The following VWCE variants were observed in gnomAD, a reference collection of about 807,000 sequenced individuals.
VWCE encodes von Willebrand factor C and EGF domains.
Under a neutral mutation model 102.9 loss-of-function variants are expected in VWCE, and 68 were observed. The ratio of observed to expected loss-of-function variants is 0.66; its 90% confidence interval spans 0.54 to 0.81. The LOEUF (loss-of-function observed/expected upper bound fraction) is 0.81. Ranked by LOEUF, VWCE falls within the 30% of genes least tolerant of loss-of-function variation. The pLI, the probability that VWCE is intolerant of heterozygous loss-of-function variation, is 0.00. For synonymous variants in VWCE, 497 were observed against 515.4 expected (o/e 0.96, Z 0.48); for missense variants, 1,137 against 1,263.6 (o/e 0.90, Z 1.52).
chr11:61,281,291 T>C (rs1855125438), intron 7 of VWCE, 56 bp from the exon 8 acceptor site: 1 of 1,599,328 alleles, frequency 6.3e-7, no homozygotes, highest in East Asian at 2.2e-5. Context: ...GGAGGCAGGG[T>C]TTAGGGAGAC....
At position 61,290,649 on chromosome 11, in the gene VWCE, C is replaced by G. The variant is rs115412682; in HGVS notation, c.424+150G>C. 1,974 of 853,526 alleles carry G rather than the reference C, an allele frequency of 2.3e-3. 34 individuals are homozygous for G. In the African/African-American group the frequency reaches 0.029, roughly 13 times the overall value. The allele number at this position is 853,526 out of a possible 1,614,324, so 52.9% of individuals were successfully genotyped here. On this transcript the variant is annotated intron_variant, in intron 4 of 19. Transcript: ENST00000335613. ...ACAGAAGTGACACATTTCTTTTGTT[C>G]TCATGTCTCTCTGCCCACTCTCAAA...
At chr11:61,280,761 C>T (rs1307866426) in intron 8 of VWCE, 32 bp downstream of exon 8, 1 of 1,612,808 alleles carries the variant, frequency 6.2e-7, no homozygotes, top group South Asian at 1.1e-5. Flanking sequence ...AGGCCCCAGA[C>T]CAAGGAAGCT....
rs370741663 is a variant in VWCE, at chr11:61,276,607, C to T, written c.1481G>A (p.Cys494Tyr). 1.3e-6 allele frequency: 2 copies of T among 1,590,390 alleles called. No individual in the cohort carries two copies. The highest frequency in any genetic ancestry group is 1.1e-5 in the South Asian group (1 of 87,994). ...GTGTCACTTACCTGGAACACAAGTACAGCAATCCGTCTGTGGGGGGGTCTG... is the reference window on the plus strand; with the variant it reads ...GTGTCACTTACCTGGAACACAAGTATAGCAATCCGTCTGTGGGGGGGTCTG... ...PCQTPPQTDCCTCVPVRCYFH... is the reference protein window; with the variant it reads ...PCQTPPQTDCYTCVPVRCYFH... The change falls in exon 11 of 20, where the codon TGT becomes TAT. Residue 494 changes from cysteine to tyrosine, a missense_variant. Cys to Tyr is a radical substitution (Grantham distance 194). This residue lies in a region of VWCE where 212 missense variants were observed against 235.1 expected (regional missense o/e 0.90). Transcript: ENST00000335613.
At position 61,258,710 on chromosome 11, in the gene VWCE, CTG is replaced by C; in HGVS notation, c.2831_2832del (p.Pro944ArgfsTer76). On this transcript the variant is annotated frameshift_variant, in exon 20 of 20. Coordinates refer to ENST00000335613, the MANE Select transcript of VWCE (RefSeq NM_152718.2). LOFTEE classifies it low-confidence loss of function (END_TRUNC). Reference sequence around the variant, plus strand: ...GACTCTTCCCCCCGAGAAGCCCCCACTGGGGGCTGCTGGGGGCCAGGGTGGGT... The same window carrying C: ...GACTCTTCCCCCCGAGAAGCCCCCACGGGGCTGCTGGGGGCCAGGGTGGGT... ...ATTHPGPQQP[P>X]VGASRGEEST... The C allele has an allele frequency of 1.4e-6, 2 of 1,392,250 alleles. No homozygotes were observed. The highest frequency in any genetic ancestry group is 3.9e-4 in the Middle Eastern group (2 of 5,192). 86.2% of individuals were successfully genotyped at this position (1,392,250 alleles called of 1,614,324 possible). A position where few individuals can be genotyped will look rare whatever the true frequency, so the allele number is the denominator to read the frequency against.
Position 61,269,806 on chromosome 11 carries a change from C to T in VWCE, c.1786-788G>A, listed in dbSNP as rs115356831. On this transcript the variant is annotated intron_variant, in intron 14 of 19. Coordinates refer to ENST00000335613, the MANE Select transcript of VWCE (RefSeq NM_152718.2). ...CTGACAGTTTGAACCTTTTGTATCA[C>T]TCTCTTGGTGACTGATTATGGGTGC... 3.3e-3 allele frequency among the ~76,000 whole-genome samples: 501 copies of T among 152,088 alleles called. 5 individuals carry two copies. The highest frequency in any genetic ancestry group is 0.012 in the African/African-American group (486 of 41,494).
chr11:61,273,463 A>C, intron 12 of VWCE, 147 bp from the exon 13 acceptor site: 1 of 762,680 alleles, frequency 1.3e-6, no homozygotes, highest in Non-Finnish European at 2.1e-6. Context: ...TGAAACTGAC[A>C]AAGAAATCTC....
intron 5 of VWCE, among the ~76,000 whole-genome samples, chr11:61,286,033 T>C (rs1401061812): frequency 1.3e-5 from 2 of 152,204 alleles, no homozygotes; most frequent in East Asian, 3.8e-4. Flanking sequence ...GGATTACAGA[T>C]GTGAGTCAAC....
At chr11:61,266,001 G>T (rs1854501580) in intron 16 of VWCE, among the ~76,000 whole-genome samples, 1 of 151,396 alleles carries the variant, frequency 6.6e-6, no homozygotes. Flanking sequence ...AGCCAAGATT[G>T]TGCCACTGCA....
At chr11:61,289,502 G>A (rs907987739) in intron 4 of VWCE, among the ~76,000 whole-genome samples, 2 of 152,092 alleles carry the variant, frequency 1.3e-5, no homozygotes, top group Admixed American at 6.5e-5. Flanking sequence ...CACCCGCCTC[G>A]GCCTCCCAAA....
At chr11:61,262,180 C>T (rs11230649) in intron 19 of VWCE, among the ~76,000 whole-genome samples, 12,407 of 152,194 alleles carry the variant, frequency 0.082, 1,604 homozygotes, top group African/African-American at 0.28. Context: ...TCTCAAACTC[C>T]TGGCCTCAGG....
chr11:61,278,342 C>T (rs930066552), intron 10 of VWCE, 52 bp downstream of exon 10: 9 of 1,599,172 alleles, frequency 5.6e-6, no homozygotes, highest in Middle Eastern at 3.3e-4. Context: ...CTCTAAAACC[C>T]CCAAAGGTTA....
chr11:61,262,897 T>C (rs1205202312), intron 19 of VWCE, among the ~76,000 whole-genome samples: 1 of 152,246 alleles, frequency 6.6e-6, no homozygotes, highest in Non-Finnish European at 1.5e-5. Context: ...TGCAGTCCTG[T>C]GTTCACTGTG....
rs951527617 is a variant in VWCE at position 61,294,122 on chromosome 11, G to A, written c.110+806C>T. 2.0e-5 allele frequency among the ~76,000 whole-genome samples: 3 copies of A among 152,130 alleles called. No individual in the cohort carries two copies. The highest frequency in any genetic ancestry group is 4.4e-5 in the Non-Finnish European group (3 of 68,004). On this transcript the variant is annotated intron_variant, in intron 1 of 19. Coordinates refer to ENST00000335613, the MANE Select transcript of VWCE (RefSeq NM_152718.2). The surrounding 1 kb of genome is among the most constrained non-coding windows in gnomAD (Gnocchi z 6.3). ...CGAGCACCCGCCAGAGCGCCCTAAGGAGCCTCCTAGGGCTGGTGACAGAGG... is the reference window on the plus strand; with the variant it reads ...CGAGCACCCGCCAGAGCGCCCTAAGAAGCCTCCTAGGGCTGGTGACAGAGG...
At position 61,290,931 on chromosome 11, in the gene VWCE, G is replaced by C; in HGVS notation, c.296-4C>G. On this transcript the variant is annotated splice_region_variant and splice_polypyrimidine_tract_variant and intron_variant, in intron 3 of 19. Transcript: ENST00000335613. Reference sequence around the variant, plus strand: ...TCCCCACATGGTCCATGGGTTTCTAGAGCAGGCATCACACCAGTGAGCATG... The same window carrying C: ...TCCCCACATGGTCCATGGGTTTCTACAGCAGGCATCACACCAGTGAGCATG... 6.2e-7 allele frequency: 1 copy of C among 1,612,804 alleles called. No individual in the cohort carries two copies. The highest frequency in any genetic ancestry group is 8.5e-7 in the Non-Finnish European group (1 of 1,179,512).
chr11:61,271,862 TCA>T, intron 13 of VWCE, 102 bp from the exon 14 acceptor site: 5 of 994,894 alleles, frequency 5.0e-6, no homozygotes, highest in Non-Finnish European at 7.8e-6. Flanking sequence ...GACACCGATA[TCA>T]CTCACACACG....
At chr11:61,268,785 TCA>T (rs1854585476) in intron 15 of VWCE, 135 bp downstream of exon 15, 1 of 806,714 alleles carries the variant, frequency 1.2e-6, no homozygotes, top group Non-Finnish European at 2.0e-6. Context: ...CTGTTCTACC[TCA>T]GTTTCCTTAT....
chr11:61,290,838 A>G lies in VWCE; in HGVS notation c.385T>C (p.Phe129Leu), dbSNP rs1172573928. The G allele has an allele frequency of 6.2e-6, 10 of 1,613,760 alleles. No individual in the cohort carries two copies. The highest frequency in any genetic ancestry group is 8.5e-6 in the Non-Finnish European group (10 of 1,179,972). The change falls in exon 4 of 20, where the codon TTC becomes CTC. Residue 129 changes from phenylalanine to leucine, a missense_variant. Physicochemically the swap from Phe to Leu is conservative, Grantham distance 22. This residue lies in a region of VWCE where 575 missense variants were observed against 625.9 expected (regional missense o/e 0.92). Transcript: ENST00000335613. ...CCAACAGCTGTCTCCGTCATCGAGA[A>G]GCCCACGGGGCACACTCGGGCCACC... ...QEVARVCPVG[F>L]SMTETAVGIR... is the part of the protein sequence containing the mutation.
intron 15 of VWCE, 22 bp from the exon 16 acceptor site, chr11:61,267,566 G>A: frequency 6.2e-7 from 1 of 1,612,830 alleles, no homozygotes; most frequent in Non-Finnish European, 8.5e-7. Context: ...AGCATGCGCT[G>A]AGCACCAGCT....
In VWCE at chr11:61,286,304, T is replaced by G. The variant is rs1286051347; in HGVS notation, c.541+10A>C. On this transcript the variant is annotated intron_variant, in intron 5 of 19. Coordinates refer to ENST00000335613, the MANE Select transcript of VWCE (RefSeq NM_152718.2). ...CCTCCCAGAGCAGCCATTCCTTCTC[T>G]GCAGCTCACCTTGGCAGCTGTGGCG... is the stretch of plus-strand genomic sequence containing the variant. The G allele has an allele frequency of 6.2e-7, 1 of 1,604,948 alleles. No homozygotes were observed. The highest frequency in any genetic ancestry group is 1.1e-5 in the South Asian group (1 of 91,084).
Sources: gnomAD v4.1 joint callset for allele counts (sites outside exome capture counted in the v4.1 genomes callset) on GRCh38, gnomAD v4.1.1 for gene constraint, gnomAD v4.1.1 regional missense constraint, Gnocchi (gnomAD v3.1) non-coding constraint, MANE v1.5 for transcripts, NCBI Gene and HGNC (gene_info 2026-07-23, HGNC 2026-07-21) for gene names.